PTPRT: variants seen among roughly 807,000 people sequenced by gnomAD.
The protein encoded by PTPRT is receptor-type tyrosine-protein phosphatase T.
A neutral mutation model predicts 176.8 loss-of-function variants in PTPRT; 56 were observed. That is an observed-to-expected ratio of 0.32 (90% CI 0.26 to 0.40). The LOEUF (loss-of-function observed/expected upper bound fraction) is 0.40. Among genes scored for constraint, PTPRT ranks in the 10% least tolerant of loss-of-function variants. The probability of loss-of-function intolerance (pLI) is 1.00; values close to 1 mark genes in which losing one functional copy is unlikely to be tolerated. For missense variants in PTPRT, 1,540 were observed against 1,908.2 expected, an observed-to-expected ratio of 0.81 and a Z score of 3.60; for synonymous variants, 783 against 739.0, an observed-to-expected ratio of 1.06 and a Z score of -0.96.
At chr20:42,259,496 T>C (rs1395584167) in intron 13 of PTPRT, among the ~76,000 whole-genome samples, 1 of 152,234 alleles carries the variant, frequency 6.6e-6, no homozygotes, top group Non-Finnish European at 1.5e-5. Flanking sequence ...AACTACTTTC[T>C]GTTGTGCCAA....
At chr20:42,702,958 AG>A (rs2075996797) in intron 6 of PTPRT, among the ~76,000 whole-genome samples, 1 of 152,212 alleles carries the variant, frequency 6.6e-6, no homozygotes, top group African/African-American at 2.4e-5. Flanking sequence ...CCTATCCCAT[AG>A]CCAGCCCATA....
At chr20:42,495,155 TAG>T (rs1484846572) in intron 7 of PTPRT, among the ~76,000 whole-genome samples, 4 of 152,148 alleles carry the variant, frequency 2.6e-5, no homozygotes, top group Non-Finnish European at 5.9e-5. Flanking sequence ...TCCCCACTTA[TAG>T]ATGAAAACAG....
chr20:42,727,511 T>C (rs1462983100), intron 6 of PTPRT, among the ~76,000 whole-genome samples: 1 of 152,166 alleles, frequency 6.6e-6, no homozygotes, highest in African/African-American at 2.4e-5. Context: ...CTGTGGACCA[T>C]GGGAGGGTAC....
At chr20:42,928,228 A>C (rs534438307) in intron 1 of PTPRT, among the ~76,000 whole-genome samples, 2 of 152,390 alleles carry the variant, frequency 1.3e-5, no homozygotes, top group South Asian at 4.1e-4. Context: ...AGTGGAACAC[A>C]AATGTCTGAA....
At chr20:42,929,032 T>C (rs1979663534) in intron 1 of PTPRT, among the ~76,000 whole-genome samples, 1 of 152,210 alleles carries the variant, frequency 6.6e-6, no homozygotes, top group African/African-American at 2.4e-5. Context: ...GCTTTGCCCA[T>C]CAATTTGGCA....
chr20:42,791,126 G>A (rs1490025316), intron 3 of PTPRT, 69 bp downstream of exon 3: 5 of 1,505,376 alleles, frequency 3.3e-6, no homozygotes, highest in Non-Finnish European at 4.5e-6. Context: ...CCTAGCACCT[G>A]TAGGGAGAGC....
At chr20:42,563,655 A>G (rs2072990844) in intron 7 of PTPRT, among the ~76,000 whole-genome samples, 1 of 152,226 alleles carries the variant, frequency 6.6e-6, no homozygotes, top group South Asian at 2.1e-4. Context: ...TAATGGAATT[A>G]TATGCAGCCA....
At chr20:42,828,859 T>C (rs761728667) in intron 2 of PTPRT, among the ~76,000 whole-genome samples, 3 of 152,146 alleles carry the variant, frequency 2.0e-5, no homozygotes, top group African/African-American at 4.8e-5. Context: ...GGAGCCCTCA[T>C]AGAGAACCTC....
chr20:42,577,746 T>G (rs2073287164), intron 7 of PTPRT, among the ~76,000 whole-genome samples: 1 of 150,984 alleles, frequency 6.6e-6, no homozygotes, highest in Non-Finnish European at 1.5e-5. Context: ...GTGTCTCAAA[T>G]TAAAAATGGT....
chr20:42,322,752 G>A lies in PTPRT; in HGVS notation c.1866-6756C>T, dbSNP rs573233575. Among the ~76,000 whole-genome samples the A allele has an allele frequency of 6.6e-5, 10 of 152,020 alleles. No individual in the cohort carries two copies. The East Asian group carries it at 1.9e-3, about 29-fold the overall frequency. Reference sequence around the variant, plus strand: ...AGCAATGGCAACAAAAGCCAAAATTGGCAAATGGGATCTAATTAAACTAAA... The same window carrying A: ...AGCAATGGCAACAAAAGCCAAAATTAGCAAATGGGATCTAATTAAACTAAA... On this transcript the variant is annotated intron_variant, in intron 11 of 30. Transcript: ENST00000373187.
At chr20:43,161,210 C>A (rs1485076910) in intron 1 of PTPRT, among the ~76,000 whole-genome samples, 1 of 152,212 alleles carries the variant, frequency 6.6e-6, no homozygotes, top group Non-Finnish European at 1.5e-5. Context: ...CGATCCTCTG[C>A]AGAAAAATTT....
chr20:42,274,547 G>C (rs532974247), intron 13 of PTPRT, among the ~76,000 whole-genome samples: 1 of 123,424 alleles, frequency 8.1e-6, no homozygotes, highest in African/African-American at 3.4e-5. Context: ...GTGTGTGTGT[G>C]TGTGTGTGTG....
intron 7 of PTPRT, among the ~76,000 whole-genome samples, chr20:42,669,284 G>A (rs899066345): frequency 2.0e-5 from 3 of 151,976 alleles, no homozygotes; most frequent in South Asian, 2.1e-4. Context: ...ATGTCCCTTC[G>A]AGCATGGTGT....
At chr20:42,361,667 T>G (rs959449544) in intron 9 of PTPRT, among the ~76,000 whole-genome samples, 3 of 152,040 alleles carry the variant, frequency 2.0e-5, no homozygotes, top group African/African-American at 7.2e-5. Context: ...CTGAGTCCAG[T>G]CATCTGGGCA....
intron 1 of PTPRT, among the ~76,000 whole-genome samples, chr20:43,058,835 A>G (rs1158183370): frequency 6.6e-6 from 1 of 152,154 alleles, no homozygotes; most frequent in Non-Finnish European, 1.5e-5. Flanking sequence ...TCAGTCTTAC[A>G]GAGAGAGCAA....
intron 2 of PTPRT, among the ~76,000 whole-genome samples, chr20:42,813,210 T>C (rs2077726357): frequency 1.3e-5 from 2 of 152,190 alleles, no homozygotes; most frequent in African/African-American, 4.8e-5. Flanking sequence ...TGCTGTCCAT[T>C]TATTCCATTA....
intron 7 of PTPRT, among the ~76,000 whole-genome samples, chr20:42,558,328 T>C (rs1046115330): frequency 6.6e-6 from 1 of 152,148 alleles, no homozygotes; most frequent in Non-Finnish European, 1.5e-5. Context: ...TCTCATTCTT[T>C]TGTATGGTAC....
intron 1 of PTPRT, among the ~76,000 whole-genome samples, chr20:43,048,579 T>C (rs1387018124): frequency 1.3e-5 from 2 of 150,724 alleles, no homozygotes; most frequent in African/African-American, 4.9e-5. Flanking sequence ...GCCAAGGGGG[T>C]GGGAAACAGC....
chr20:42,046,621 C>T, the PTPRT span, among the ~76,000 whole-genome samples: 5 of 152,134 alleles, frequency 3.3e-5, no homozygotes, highest in Non-Finnish European at 5.9e-5. Context: ...TTATAGGCGC[C>T]CATCAAGGGC....
Sources: allele counts gnomAD v4.1 joint callset (sites outside exome capture counted in the v4.1 genomes callset), GRCh38; gene constraint gnomAD v4.1.1; transcripts MANE v1.5; gene names NCBI Gene and HGNC (gene_info 2026-07-23, HGNC 2026-07-21).